The following SEC14L5 variants were observed in gnomAD, a reference collection of about 807,000 sequenced individuals.
The protein encoded by SEC14L5 is SEC14 like lipid binding 5.
Under a neutral mutation model 84.6 loss-of-function variants are expected in SEC14L5, and 96 were observed. The observed-to-expected ratio is 1.13, with a 90% CI of 0.96 to 1.34. The LOEUF (loss-of-function observed/expected upper bound fraction) is 1.34. SEC14L5 is among the 40% of genes most tolerant of loss of function. The probability of loss-of-function intolerance (pLI) is 0.00; values close to 1 mark genes in which losing one functional copy is unlikely to be tolerated. For missense variants in SEC14L5, 1,224 were observed against 942.5 expected (o/e 1.30, Z -3.91); for synonymous variants, 546 against 383.4 (o/e 1.42, Z -4.95).
intron 12 of SEC14L5, among the ~76,000 whole-genome samples, chr16:5,006,577 C>T (rs1955734473): frequency 6.6e-6 from 1 of 152,162 alleles, no homozygotes; most frequent in Non-Finnish European, 1.5e-5. Context: ...TCCTAGGTCA[C>T]AACTCTGTCA....
intron 10 of SEC14L5, among the ~76,000 whole-genome samples, chr16:5,001,298 G>A (rs899520902): frequency 7.1e-6 from 1 of 141,518 alleles, no homozygotes; most frequent in Non-Finnish European, 1.5e-5. Context: ...TCGCTCTGTC[G>A]CCCAGGCTGG....
At chr16:4,966,861 T>C (rs1404604298) in intron 2 of SEC14L5, among the ~76,000 whole-genome samples, 3 of 152,218 alleles carry the variant, frequency 2.0e-5, no homozygotes, top group Non-Finnish European at 4.4e-5. Context: ...ACCATCAGGA[T>C]GCCTTTACCC....
intron 1 of SEC14L5, 32 bp downstream of exon 1, chr16:4,958,477 A>C (rs1016650326): frequency 8.2e-6 from 1 of 122,646 alleles, no homozygotes; most frequent in African/African-American, 3.3e-5. Flanking sequence ...GGGCGCGGGT[A>C]AGCGCTCAGC....
intron 2 of SEC14L5, among the ~76,000 whole-genome samples, chr16:4,965,318 T>C (rs1435460510): frequency 1.3e-5 from 2 of 152,192 alleles, no homozygotes; most frequent in African/African-American, 4.8e-5. Flanking sequence ...ATAGTGCTGC[T>C]ATAAATATTT....
At chr16:4,986,679 C>A (rs901911918) in intron 2 of SEC14L5, among the ~76,000 whole-genome samples, 1 of 152,068 alleles carries the variant, frequency 6.6e-6, no homozygotes, top group Non-Finnish European at 1.5e-5. Context: ...GGATGCCTTT[C>A]CATTTATTTA....
At position 5,007,364 on chromosome 16, in the gene SEC14L5, G is replaced by A. The variant is rs200926486; in HGVS notation, c.1450G>A (p.Glu484Lys). The change falls in exon 13 of 16, where the codon GAA (glutamate) becomes AAA (lysine). Residue 484 changes from glutamate to lysine, a missense_variant. Physicochemically the swap from Glu to Lys is moderately conservative, Grantham distance 56. Transcript: ENST00000251170. ...LGGESVCNVP[E>K]GGLVPKSLYM... ...CTCTGACCTGCAGTGTAATGTCCCC[G>A]AAGGAGGGCTGGTCCCCAAGTCCCT... The A allele has an allele frequency of 2.4e-5, 38 of 1,613,722 alleles. No homozygotes were observed. Among genetic ancestry groups the A allele is most frequent in the Admixed American group, 3.3e-5 (2 of 59,986 alleles).
At chr16:4,989,077 T>C (rs1955525347) in intron 4 of SEC14L5, among the ~76,000 whole-genome samples, 1 of 152,220 alleles carries the variant, frequency 6.6e-6, no homozygotes, top group Non-Finnish European at 1.5e-5. Flanking sequence ...GAGTGAGGTC[T>C]GCCAAGGTGA....
At chr16:4,980,758 G>A (rs1277307763) in intron 2 of SEC14L5, among the ~76,000 whole-genome samples, 1 of 152,148 alleles carries the variant, frequency 6.6e-6, no homozygotes, top group African/African-American at 2.4e-5. Flanking sequence ...TCGTGCCTAG[G>A]AGGGGGAAGG....
At chr16:4,968,576 G>A (rs1478224116) in intron 2 of SEC14L5, among the ~76,000 whole-genome samples, 1 of 152,210 alleles carries the variant, frequency 6.6e-6, no homozygotes, top group Non-Finnish European at 1.5e-5. Context: ...ATCCTCCTGT[G>A]GTCTCCCAAA....
At chr16:4,975,913 G>A (rs1955333699) in intron 2 of SEC14L5, among the ~76,000 whole-genome samples, 1 of 152,184 alleles carries the variant, frequency 6.6e-6, no homozygotes, top group Non-Finnish European at 1.5e-5. Flanking sequence ...GCTGGAAGAT[G>A]TTGGTGCAGC....
rs778381217 is a variant in SEC14L5, at chr16:5,005,871, A to AAAAC, written c.1303-40_1303-39insCAAA. 2.2e-5 allele frequency: 33 copies of AAAAC among 1,495,844 alleles called. No individual in the cohort carries two copies. The African/African-American group carries it at 3.2e-4, about 15-fold the overall frequency. 92.7% of individuals were successfully genotyped at this position (1,495,844 alleles called of 1,614,324 possible). ...TGAGCAAGACTCCGTCTCAAAAAAA[A>AAAAC]AAAAAAAAAAACCATCCATCTTGCC... is the stretch of plus-strand genomic sequence containing the variant. On this transcript the variant is annotated intron_variant, in intron 11 of 15. Transcript: ENST00000251170.
intron 12 of SEC14L5, among the ~76,000 whole-genome samples, chr16:5,006,390 G>C (rs1053703922): frequency 2.6e-5 from 4 of 152,198 alleles, no homozygotes; most frequent in African/African-American, 9.7e-5. Context: ...GAGTTAACCT[G>C]CTCATTCACT....
At position 5,018,808 on chromosome 16, in the gene SEC14L5, C is replaced by T. The variant is rs1489271616; in HGVS notation, c.*3838C>T. 6.6e-6 allele frequency: 1 copy of T among 152,138 alleles called. No individual in the cohort carries two copies. Among genetic ancestry groups the T allele is most frequent in the Non-Finnish European group, 1.5e-5 (1 of 68,024 alleles). The allele number at this position is 152,138 out of a possible 1,614,324, so 9.4% of individuals were successfully genotyped here. On this transcript the variant is annotated 3_prime_UTR_variant, in exon 16 of 16. Coordinates refer to ENST00000251170, the MANE Select transcript of SEC14L5 (RefSeq NM_014692.2). Reference sequence around the variant, plus strand: ...GAGTTTGAGACTCTTTTTTTCTACCCTGCACTCTCTGGAATTCCCCCTCCC... The same window carrying T: ...GAGTTTGAGACTCTTTTTTTCTACCTTGCACTCTCTGGAATTCCCCCTCCC...
rs774556451 is a variant in SEC14L5 at position 5,008,405 on chromosome 16, G to A, written c.1573-16G>A. On this transcript the variant is annotated splice_polypyrimidine_tract_variant and intron_variant, in intron 13 of 15. Transcript: ENST00000251170. ...CTCTCGGCCGTGACTCTCAGACCTCGCCTGTCTCCACACAGGTGGCCGTGG... is the reference window on the plus strand; with the variant it reads ...CTCTCGGCCGTGACTCTCAGACCTCACCTGTCTCCACACAGGTGGCCGTGG... 15 of 1,586,406 alleles carry A rather than the reference G, an allele frequency of 9.5e-6. No individual in the cohort carries two copies. The highest frequency in any genetic ancestry group is 1.9e-4 in the Middle Eastern group (1 of 5,380).
At chr16:5,003,827 G>A (rs1256689104) in intron 11 of SEC14L5, among the ~76,000 whole-genome samples, 4 of 152,208 alleles carry the variant, frequency 2.6e-5, no homozygotes, top group African/African-American at 9.7e-5. Context: ...GAACCCCCAT[G>A]CCCATTATCG....
rs1474223809 is a variant in SEC14L5 at position 5,003,411 on chromosome 16, C to T, written c.1140C>T (p.Thr380=). The part of the protein sequence containing the change: ...RQLGRPISSW[T]CLLDLEGLNM... ...GCTATTTCTGCCACAGCTCCTGGAC[C>T]TGCCTGCTAGACCTGGAGGGACTCA... Residue 380 remains threonine, a synonymous_variant, in exon 11 of 16, where the codon ACC becomes ACT. Coordinates refer to ENST00000251170, the MANE Select transcript of SEC14L5 (RefSeq NM_014692.2). 1.9e-6 allele frequency: 3 copies of T among 1,612,746 alleles called. No homozygotes were observed. The highest frequency in any genetic ancestry group is 1.7e-5 in the Admixed American group (1 of 59,976).
At chr16:5,004,394 C>T (rs1026512730) in intron 11 of SEC14L5, among the ~76,000 whole-genome samples, 1 of 152,158 alleles carries the variant, frequency 6.6e-6, no homozygotes, top group African/African-American at 2.4e-5. Flanking sequence ...AGTGCGAGCA[C>T]ATCAGCCGGG....
chr16:4,969,172 C>T (rs564770314), intron 2 of SEC14L5, among the ~76,000 whole-genome samples: 2 of 152,236 alleles, frequency 1.3e-5, no homozygotes, highest in Non-Finnish European at 2.9e-5. Flanking sequence ...ATCCACTGCC[C>T]TGCATAGTTG....
chr16:4,969,399 T>C (rs1175106284), intron 2 of SEC14L5, among the ~76,000 whole-genome samples: 1 of 152,192 alleles, frequency 6.6e-6, no homozygotes, highest in Non-Finnish European at 1.5e-5. Context: ...TCTTTTTTTT[T>C]TTTGAGACAG....
Sources: allele counts gnomAD v4.1 joint callset (sites outside exome capture counted in the v4.1 genomes callset), GRCh38; gene constraint gnomAD v4.1.1; transcripts MANE v1.5; gene names NCBI Gene and HGNC (gene_info 2026-07-23, HGNC 2026-07-21).